RORA: variants seen among roughly 807,000 people sequenced by gnomAD.
RORA encodes RAR related orphan receptor A.
Under a neutral mutation model 69.5 loss-of-function variants are expected in RORA, and 7 were observed. The ratio of observed to expected loss-of-function variants is 0.10; its 90% CI spans 0.06 to 0.19. The LOEUF is 0.19. Among genes scored for constraint, RORA ranks in the 10% least tolerant of loss-of-function variants. RORA has a pLI of 1.00. For synonymous variants in RORA, 261 were observed against 240.8 expected (o/e 1.08, Z -0.78); for missense variants, 457 against 663.0 (o/e 0.69, Z 3.41).
chr15:60,928,070 T>C (rs1892269183), intron 1 of RORA, among the ~76,000 whole-genome samples: 1 of 152,146 alleles, frequency 6.6e-6, no homozygotes, highest in East Asian at 1.9e-4. Context: ...TCCCATCTTC[T>C]CCAGGTCACA....
chr15:61,015,775 C>T (rs1426198507), intron 1 of RORA, among the ~76,000 whole-genome samples: 1 of 152,136 alleles, frequency 6.6e-6, no homozygotes, highest in Non-Finnish European at 1.5e-5. Flanking sequence ...AGAATATGCT[C>T]CAAATGATAC....
chr15:60,824,928 T>G (rs549498068), intron 1 of RORA, among the ~76,000 whole-genome samples: 8 of 152,348 alleles, frequency 5.3e-5, no homozygotes, highest in African/African-American at 1.9e-4. Context: ...GTCACAGCAG[T>G]GACTTCATAA....
intron 1 of RORA, among the ~76,000 whole-genome samples, chr15:60,983,458 C>T (rs1022282105): frequency 2.0e-5 from 3 of 152,104 alleles, no homozygotes; most frequent in Non-Finnish European, 4.4e-5. Context: ...AATCCTCTTC[C>T]CTTTCTAGTT....
chr15:61,165,770 A>C (rs1421142470), intron 1 of RORA, among the ~76,000 whole-genome samples: 2 of 152,224 alleles, frequency 1.3e-5, no homozygotes, highest in Non-Finnish European at 2.9e-5. Flanking sequence ...ACCCATTCTT[A>C]GTTGCACAGG....
chr15:60,775,611 AC>A (rs2072154466), intron 1 of RORA, among the ~76,000 whole-genome samples: 2 of 151,540 alleles, frequency 1.3e-5, no homozygotes, highest in African/African-American at 4.9e-5. Flanking sequence ...CTCCCTGATT[AC>A]CCCCTACTCA....
chr15:60,900,502 A>G (rs553211716), intron 1 of RORA, among the ~76,000 whole-genome samples: 1 of 152,306 alleles, frequency 6.6e-6, no homozygotes, highest in South Asian at 2.1e-4. Context: ...TGGGTCCAAT[A>G]CGGGACTCTT....
intron 1 of RORA, among the ~76,000 whole-genome samples, chr15:60,854,066 A>G (rs565554720): frequency 6.6e-6 from 1 of 152,298 alleles, no homozygotes; most frequent in South Asian, 2.1e-4. Context: ...GATCGAGACC[A>G]TCCTGACCAA....
intron 1 of RORA, among the ~76,000 whole-genome samples, chr15:61,007,948 G>A (rs1367831346): frequency 6.6e-6 from 1 of 150,828 alleles, no homozygotes; most frequent in Non-Finnish European, 1.5e-5. Flanking sequence ...GAAGTTTTGG[G>A]TATCAAAAAA....
intron 1 of RORA, among the ~76,000 whole-genome samples, chr15:60,865,412 G>C (rs12913890): frequency 0.43 from 66,023 of 152,000 alleles, 14,686 homozygotes; most frequent in East Asian, 0.61. Flanking sequence ...GGGCAAACAA[G>C]TGAAATTAGT....
At chr15:60,942,024 C>T (rs768529067) in intron 1 of RORA, among the ~76,000 whole-genome samples, 3 of 152,196 alleles carry the variant, frequency 2.0e-5, no homozygotes, top group Non-Finnish European at 4.4e-5. Context: ...ACTCACCTTT[C>T]CTAAAGGATT....
chr15:60,572,733 G>A lies in RORA; in HGVS notation c.197-40882C>T, dbSNP rs76592446. ...CTGAGTGAGTTAAGCCACTGGTCCT[G>A]TGGCAAGGAAGTCAGATCACCACTA... On this transcript the variant is annotated intron_variant, in intron 2 of 10. Transcript: ENST00000335670. 3.1e-3 allele frequency among the ~76,000 whole-genome samples: 478 copies of A among 152,294 alleles called. 2 individuals are homozygous for A. Among genetic ancestry groups the A allele is most frequent in the African/African-American group, 0.011 (458 of 41,552 alleles).
chr15:60,568,125 T>C (rs567445057), intron 2 of RORA, among the ~76,000 whole-genome samples: 2 of 152,322 alleles, frequency 1.3e-5, no homozygotes, highest in East Asian at 3.9e-4. Context: ...TGAGAACCAC[T>C]GTTTTATGGA....
intron 2 of RORA, among the ~76,000 whole-genome samples, chr15:60,624,486 A>ATATATATATATATATC: frequency 8.2e-6 from 1 of 122,214 alleles, no homozygotes; most frequent in Admixed American, 8.5e-5. Flanking sequence ...ATATATATAT[A>ATATATATATATATATC]TATATATATA....
intron 1 of RORA, among the ~76,000 whole-genome samples, chr15:61,065,231 A>ATAACTGTTTG (rs1210012225): frequency 1.3e-5 from 2 of 152,330 alleles, no homozygotes; most frequent in African/African-American, 2.4e-5. Flanking sequence ...CAAATGTACT[A>ATAACTGTTTG]TAACTGTTTG....
At chr15:61,215,036 T>G (rs1240611217) in intron 1 of RORA, among the ~76,000 whole-genome samples, 2 of 139,674 alleles carry the variant, frequency 1.4e-5, no homozygotes, top group Non-Finnish European at 1.6e-5. Flanking sequence ...AGCTAATTTT[T>G]TTTTTTTTTT....
At chr15:60,707,665 C>T (rs113606754) in intron 1 of RORA, among the ~76,000 whole-genome samples, 372 of 152,216 alleles carry the variant, frequency 2.4e-3, no homozygotes, top group African/African-American at 7.8e-3. Context: ...ACCTGGCCCA[C>T]GGTCATCTAT....
chr15:60,977,196 T>C lies in RORA; in HGVS notation c.166+251857A>G, dbSNP rs570326743. On this transcript the variant is annotated intron_variant, in intron 1 of 10. Coordinates refer to ENST00000335670, the MANE Select transcript of RORA (RefSeq NM_134261.3). Reference sequence around the variant, plus strand: ...TCCAAGATCACAGTGACTCAAAGTTTTCCCTCATAGATGTTATATATTTAG... The same window carrying C: ...TCCAAGATCACAGTGACTCAAAGTTCTCCCTCATAGATGTTATATATTTAG... 5.9e-5 allele frequency among the ~76,000 whole-genome samples: 9 copies of C among 152,032 alleles called. No individual in the cohort carries two copies. The South Asian group carries it at 1.7e-3, about 28-fold the overall frequency.
rs144095243 is a variant in RORA, at chr15:60,977,938, C to T, written c.166+251115G>A. ...TATAAATATTCAATGTACAAGTTTT[C>T]ATGTGGACATATGTTTTCAATTCTT... On this transcript the variant is annotated intron_variant, in intron 1 of 10. Coordinates refer to ENST00000335670, the MANE Select transcript of RORA (RefSeq NM_134261.3). 9.2e-5 allele frequency among the ~76,000 whole-genome samples: 14 copies of T among 152,234 alleles called. 3 individuals carry two copies. The highest frequency in any genetic ancestry group is 3.4e-4 in the African/African-American group (14 of 41,532).
At chr15:60,516,468 A>G (rs1414436705) in intron 3 of RORA, among the ~76,000 whole-genome samples, 2 of 150,704 alleles carry the variant, frequency 1.3e-5, no homozygotes, top group Non-Finnish European at 2.9e-5. Context: ...TAAGGTAAGT[A>G]GAGTCATTTC....
Sources: allele counts gnomAD v4.1 joint callset (sites outside exome capture counted in the v4.1 genomes callset), GRCh38; gene constraint gnomAD v4.1.1; transcripts MANE v1.5; gene names NCBI Gene and HGNC (gene_info 2026-07-23, HGNC 2026-07-21).